ANKRD54: variants seen among roughly 807,000 people sequenced by gnomAD.
ANKRD54 encodes ankyrin repeat domain-containing protein 54.
Under a neutral mutation model 36.2 loss-of-function variants are expected in ANKRD54, and 26 were observed. The ratio of observed to expected loss-of-function variants is 0.72; its 90% CI spans 0.53 to 1.00. ANKRD54 has a LOEUF of 1.00. Ranked by LOEUF, ANKRD54 falls within the 50% of genes least tolerant of loss-of-function variation. The pLI is 0.00. For synonymous variants in ANKRD54, 209 were observed against 188.4 expected (o/e 1.11, Z -0.89); for missense variants, 384 against 424.3 (o/e 0.91, Z 0.83).
upstream of ANKRD54, among the ~76,000 whole-genome samples, chr22:37,846,246 C>A (rs1185990846): frequency 6.6e-6 from 1 of 152,124 alleles, no homozygotes; most frequent in African/African-American, 2.4e-5. Context: ...TGTTTGCAGT[C>A]GCCATTGTGA....
At chr22:37,844,351 C>G, upstream of ANKRD54, 1 of 1,257,284 alleles carries the variant, frequency 8.0e-7, no homozygotes, top group Non-Finnish European at 1.1e-6. Flanking sequence ...CGGGCAGGGC[C>G]CGCAACCACG....
Position 37,831,730 on chromosome 22 carries a change from G to A in ANKRD54, c.*213C>T. 1.7e-6 allele frequency: 1 copy of A among 579,336 alleles called. No homozygotes were observed. The highest frequency in any genetic ancestry group is 2.1e-5 in the South Asian group (1 of 46,906). 35.9% of individuals were successfully genotyped at this position (579,336 alleles called of 1,614,324 possible). A position where few individuals can be genotyped will look rare whatever the true frequency, so the allele number is the denominator to read the frequency against. On this transcript the variant is annotated 3_prime_UTR_variant, in exon 8 of 8. Coordinates refer to ENST00000215941, the MANE Select transcript of ANKRD54 (RefSeq NM_138797.4). ...AGAACTGGAAGAAGCTGGGAGCTGTGGTCCCTGTCCACAGAGATGCTGGAA... is the reference window on the plus strand; with the variant it reads ...AGAACTGGAAGAAGCTGGGAGCTGTAGTCCCTGTCCACAGAGATGCTGGAA...
intron 2 of ANKRD54, among the ~76,000 whole-genome samples, chr22:37,839,347 A>T (rs757495944): frequency 6.6e-6 from 1 of 152,114 alleles, no homozygotes; most frequent in Non-Finnish European, 1.5e-5. Flanking sequence ...TTTCTTATAT[A>T]TTTCTCTAAT....
intron 1 of ANKRD54, among the ~76,000 whole-genome samples, chr22:37,841,455 G>C (rs945620469): frequency 6.6e-6 from 1 of 151,702 alleles, no homozygotes; most frequent in African/African-American, 2.4e-5. Context: ...AAGCCCAGGA[G>C]GCAGAGGTTG....
intron 1 of ANKRD54, chr22:37,843,668 CA>C (rs1569103551): frequency 3.6e-6 from 1 of 276,096 alleles, no homozygotes; most frequent in Non-Finnish European, 6.7e-6. Context: ...AGTTTCCATT[CA>C]GAAATTACCC....
chr22:37,843,295 C>T (rs1354098451), intron 1 of ANKRD54, among the ~76,000 whole-genome samples: 2 of 151,968 alleles, frequency 1.3e-5, no homozygotes, highest in African/African-American at 2.4e-5. Context: ...TGGTAGTGGG[C>T]GCCTGTAACC....
At chr22:37,839,725 G>A (rs1399283221) in intron 2 of ANKRD54, among the ~76,000 whole-genome samples, 2 of 151,922 alleles carry the variant, frequency 1.3e-5, no homozygotes, top group African/African-American at 4.8e-5. Context: ...TCCCTATGTT[G>A]TCCAGGCTGG....
chr22:37,832,026 C>A lies in ANKRD54; in HGVS notation c.829-9G>T. On this transcript the variant is annotated splice_polypyrimidine_tract_variant and intron_variant, in intron 7 of 7. Transcript: ENST00000215941. ...TCAGTCACTTCATCCACCTGCAGGA[C>A]GGAACAGAGGCTCTGTTATGGGACA... 6.2e-7 allele frequency: 1 copy of A among 1,611,166 alleles called. No individual in the cohort carries two copies.
Position 37,832,259 on chromosome 22 carries a change from G to A in ANKRD54, c.829-242C>T, listed in dbSNP as rs1415765271. Among the ~76,000 whole-genome samples, 3 of 152,214 alleles carry A rather than the reference G, an allele frequency of 2.0e-5. No homozygotes were observed. The East Asian group carries it at 5.8e-4, about 29-fold the overall frequency. On this transcript the variant is annotated intron_variant, in intron 7 of 7. Coordinates refer to ENST00000215941, the MANE Select transcript of ANKRD54 (RefSeq NM_138797.4). ...CTGGCAACTTCAAAGGAAGTGAACG[G>A]AGGCTTTGAAGCCTGCAACCCCACA...
At position 37,831,665 on chromosome 22, in the gene ANKRD54, G is replaced by A. The variant is rs866446919; in HGVS notation, c.*278C>T. ...GTCTGCTGAGATAGCGCAGGTCTGC[G>A]GAGCTGAAGTGCAGCTGCAGAGGCT... is the stretch of plus-strand genomic sequence containing the variant. On this transcript the variant is annotated 3_prime_UTR_variant, in exon 8 of 8. Transcript: ENST00000215941. The A allele has an allele frequency of 1.0e-4, 50 of 500,944 alleles. No homozygotes were observed. Among genetic ancestry groups the A allele is most frequent in the African/African-American group, 9.0e-4 (47 of 52,078 alleles). The allele number at this position is 500,944 out of a possible 1,614,324, so 31.0% of individuals were successfully genotyped here. A position where few individuals can be genotyped will look rare whatever the true frequency, so the allele number is the denominator to read the frequency against.
rs1344554939 is a variant in ANKRD54, at chr22:37,833,150, A to G, written c.595+9T>C. 1.9e-6 allele frequency: 3 copies of G among 1,613,868 alleles called. No homozygotes were observed. The highest frequency in any genetic ancestry group is 1.6e-4 in the Middle Eastern group (1 of 6,062). The stretch of plus-strand genomic sequence containing the variant: ...AGAAAGAGGACAGAGAGGGGAAGAA[A>G]CCACATACCTCCTCGTAGCAGTGTG... On this transcript the variant is annotated intron_variant, in intron 5 of 7. Coordinates refer to ENST00000215941, the MANE Select transcript of ANKRD54 (RefSeq NM_138797.4).
chr22:37,844,279 C>A lies in ANKRD54; in HGVS notation c.-41G>T, dbSNP rs1305113416. 1.3e-6 allele frequency: 2 copies of A among 1,537,510 alleles called. No homozygotes were observed. Among genetic ancestry groups the A allele is most frequent in the Admixed American group, 2.0e-5 (1 of 51,010 alleles). On this transcript the variant is annotated 5_prime_UTR_variant, in exon 1 of 8. Transcript: ENST00000215941. ...CGGGCCTGGCCGCCTGAGCCTCGTT[C>A]CCGACCGACCAACGGACCTACTTCC...
upstream of ANKRD54, among the ~76,000 whole-genome samples, chr22:37,845,442 C>A (rs1924781956): frequency 6.6e-6 from 1 of 152,176 alleles, no homozygotes; most frequent in Non-Finnish European, 1.5e-5. Context: ...ACAAGAAGGA[C>A]CATCCCTATT....
chr22:37,835,789 G>T (rs1199725435), intron 3 of ANKRD54, among the ~76,000 whole-genome samples: 2 of 152,198 alleles, frequency 1.3e-5, no homozygotes, highest in Non-Finnish European at 2.9e-5. Flanking sequence ...CTGGATGACA[G>T]AGTGAGACTT....
chr22:37,844,866 C>A (rs777007808), upstream of ANKRD54, among the ~76,000 whole-genome samples: 8 of 152,046 alleles, frequency 5.3e-5, no homozygotes, highest in Non-Finnish European at 1.2e-4. Context: ...CCGCGCCCGG[C>A]CTTTTTTTTT....
rs1555911808 is a variant in ANKRD54 at position 37,841,557 on chromosome 22, C to CAAAA, written c.329-1327_329-1324dup. 1.9e-3 allele frequency among the ~76,000 whole-genome samples: 289 copies of CAAAA among 148,594 alleles called. 24 individuals are homozygous for CAAAA. Among genetic ancestry groups the CAAAA allele is most frequent in the Non-Finnish European group, 3.0e-3 (198 of 67,066 alleles). ...ACACACACACACACACACACACACA[C>CAAAA]AAAAAACATAGGCCGGGCACAGTGG... is the stretch of plus-strand genomic sequence containing the variant. On this transcript the variant is annotated intron_variant, in intron 1 of 7. Transcript: ENST00000215941.
At position 37,840,050 on chromosome 22, in the gene ANKRD54, A is replaced by G. The variant is rs1924028876; in HGVS notation, c.376+137T>C. 8 of 993,806 alleles carry G rather than the reference A, an allele frequency of 8.0e-6. No individual in the cohort carries two copies. In the East Asian group the frequency reaches 2.0e-4, roughly 24 times the overall value. 61.6% of individuals were successfully genotyped at this position (993,806 alleles called of 1,614,324 possible). A position where few individuals can be genotyped will look rare whatever the true frequency, so the allele number is the denominator to read the frequency against. ...CTTACCTTCAGCAAGATGACTGCAC[A>G]GTCAGACAATAAATACAGTGAGCCT... On this transcript the variant is annotated intron_variant, in intron 2 of 7. Transcript: ENST00000215941.
At chr22:37,834,631 GAGGTTGCAGTC>G (rs1421384696) in intron 3 of ANKRD54, 1 of 138,830 alleles carries the variant, frequency 7.2e-6, no homozygotes, top group African/African-American at 2.7e-5. Context: ...CCAGAAGGTC[GAGGTTGCAGTC>G]AGCCGAGATG....
chr22:37,842,159 G>A (rs551209253), intron 1 of ANKRD54, among the ~76,000 whole-genome samples: 4 of 149,688 alleles, frequency 2.7e-5, no homozygotes, highest in Non-Finnish European at 4.5e-5. Flanking sequence ...GTGGTGGTGC[G>A]GGCCTGTAGT....
Sources: gnomAD v4.1 joint callset for allele counts (sites outside exome capture counted in the v4.1 genomes callset) on GRCh38, gnomAD v4.1.1 for gene constraint, MANE v1.5 for transcripts, NCBI Gene and HGNC (gene_info 2026-07-23, HGNC 2026-07-21) for gene names.